Variants in OR7D4 observed in about 807,000 individuals in gnomAD.
The protein encoded by OR7D4 is olfactory receptor 7D4.
For missense variants in OR7D4, 319 were observed against 377.1 expected (o/e 0.85, Z 1.27); for synonymous variants, 154 against 158.4 (o/e 0.97, Z 0.21).
In OR7D4 at chr19:9,213,767, A is replaced by C. The variant is rs2051187597; in HGVS notation, c.*132T>G. 4.5e-6 allele frequency: 3 copies of C among 662,016 alleles called. No individual in the cohort carries two copies. The highest frequency in any genetic ancestry group is 7.8e-6 in the Non-Finnish European group (3 of 386,874). The allele number at this position is 662,016 out of a possible 1,614,324, so 41.0% of individuals were successfully genotyped here. On this transcript the variant is annotated 3_prime_UTR_variant, in exon 2 of 2. Coordinates refer to ENST00000641669, the MANE Select transcript of OR7D4 (RefSeq NM_001005191.3). ...ACAATAACAATAACAACAACAAACA[A>C]CCCAATAACAACAACCAAAAATCCC...
Position 9,214,383 on chromosome 19 carries a change from A to G in OR7D4, c.455T>C (p.Ile152Thr). ...GLLVLASWFI[I>T]FWFSLVHILL... ...AATATGAACCAGGGAGAACCAGAAA[A>G]TGATGAACCAAGATGCCAGAACCAG... is the stretch of plus-strand genomic sequence containing the variant. The change falls in exon 2 of 2, where the codon ATT becomes ACT. Residue 152 changes from isoleucine (I) to threonine (T), a missense_variant. Coordinates refer to ENST00000641669, the MANE Select transcript of OR7D4 (RefSeq NM_001005191.3). 1.2e-6 allele frequency: 2 copies of G among 1,614,154 alleles called. No homozygotes were observed. Among genetic ancestry groups the G allele is most frequent in the Non-Finnish European group, 1.7e-6 (2 of 1,180,020 alleles).
Position 9,211,512 on chromosome 19 carries a change from T to C in OR7D4, c.*2387A>G, listed in dbSNP as rs962724205. On this transcript the variant is annotated 3_prime_UTR_variant, in exon 2 of 2. Transcript: ENST00000641669. ...CAGGCAAGGAGTATAGAAAGTAAAA[T>C]AGAAAGTCCTCCTTAGAAACATAAA... The C allele has an allele frequency of 6.6e-6, 1 of 152,074 alleles. No homozygotes were observed. The highest frequency in any genetic ancestry group is 2.4e-5 in the African/African-American group (1 of 41,408). The allele number at this position is 152,074 out of a possible 1,614,324, so 9.4% of individuals were successfully genotyped here.
At chr19:9,219,057 G>C (rs1022644705) in intron 1 of OR7D4, 143 bp downstream of exon 1, 2 of 152,236 alleles carry the variant, frequency 1.3e-5, no homozygotes, top group African/African-American at 4.8e-5. Context: ...GCTAGTAAGT[G>C]CTGTAAATAA....
In OR7D4 at chr19:9,218,533, A is replaced by G. The variant is rs530320160; in HGVS notation, c.-14+667T>C. 3.3e-5 allele frequency among the ~76,000 whole-genome samples: 5 copies of G among 152,336 alleles called. No individual in the cohort carries two copies. The South Asian group carries it at 8.3e-4, about 25-fold the overall frequency. Reference sequence around the variant, plus strand: ...TTGTTTTAATACCACAGGCAACAAGATATGCTATGTTAAAACAGTAAGGGG... The same window carrying G: ...TTGTTTTAATACCACAGGCAACAAGGTATGCTATGTTAAAACAGTAAGGGG... On this transcript the variant is annotated intron_variant, in intron 1 of 1. Coordinates refer to ENST00000641669, the MANE Select transcript of OR7D4 (RefSeq NM_001005191.3).
Position 9,214,237 on chromosome 19 carries a change from C to T in OR7D4, c.601G>A (p.Val201Met), listed in dbSNP as rs1381211069. Residue 201 changes from valine to methionine, a missense_variant, in exon 2 of 2, where the codon GTG (valine) becomes ATG (methionine). Coordinates refer to ENST00000641669, the MANE Select transcript of OR7D4 (RefSeq NM_001005191.3). ...NTLLNNIVLY[V>M]ATALLGVFPV... Reference sequence around the variant, plus strand: ...AACACACCCAGCAGTGCCGTGGCCACATACAAGACAATGTTATTGAGGAGG... The same window carrying T: ...AACACACCCAGCAGTGCCGTGGCCATATACAAGACAATGTTATTGAGGAGG... The T allele has an allele frequency of 6.2e-7, 1 of 1,614,018 alleles. No homozygotes were observed.
chr19:9,215,935 A>T (rs2051207946), intron 1 of OR7D4, among the ~76,000 whole-genome samples: 1 of 152,124 alleles, frequency 6.6e-6, no homozygotes, highest in Admixed American at 6.6e-5. Flanking sequence ...TGTTTAATGG[A>T]CTTACAGTTC....
chr19:9,214,724 C>T lies in OR7D4; in HGVS notation c.114G>A (p.Thr38=), dbSNP rs560542103. ...GAATGATGAGCAGGTTCCCCAGCAC[C>T]GTGACCAGGTACATGGACAGGAACA... is the stretch of plus-strand genomic sequence containing the variant. ...FGLFLSMYLV[T]VLGNLLIILA... Residue 38 remains threonine, a synonymous_variant, in exon 2 of 2, where the codon ACG becomes ACA. Coordinates refer to ENST00000641669, the MANE Select transcript of OR7D4 (RefSeq NM_001005191.3). The T allele has an allele frequency of 3.8e-5, 61 of 1,613,978 alleles. No homozygotes were observed. Among genetic ancestry groups the T allele is most frequent in the African/African-American group, 1.9e-4 (14 of 75,004 alleles).
intron 1 of OR7D4, 135 bp from the exon 2 acceptor site, chr19:9,214,985 C>T: frequency 1.7e-6 from 1 of 595,710 alleles, no homozygotes; most frequent in Non-Finnish European, 3.0e-6. Context: ...ATGAATCTCT[C>T]AGGAAGTGGT....
At chr19:9,219,060 G>A (rs1265954237) in intron 1 of OR7D4, 140 bp downstream of exon 1, 2 of 152,152 alleles carry the variant, frequency 1.3e-5, no homozygotes, top group Non-Finnish European at 2.9e-5. Context: ...AGTAAGTGCT[G>A]TAAATAAGTC....
chr19:9,218,270 A>AGC (rs906512252), intron 1 of OR7D4, among the ~76,000 whole-genome samples: 8 of 119,466 alleles, frequency 6.7e-5, no homozygotes, highest in African/African-American at 3.8e-4. Context: ...TACAGTAAAT[A>AGC]ACATATTCAT....
Position 9,214,668 on chromosome 19 carries a change from G to T in OR7D4, c.170C>A (p.Thr57Asn), listed in dbSNP as rs149523827. The T allele has an allele frequency of 1.9e-6, 3 of 1,614,174 alleles. No homozygotes were observed. The highest frequency in any genetic ancestry group is 1.1e-5 in the South Asian group (1 of 91,082). The change falls in exon 2 of 2, where the codon ACC (threonine) becomes AAC (asparagine). Residue 57 changes from threonine (T) to asparagine (N), a missense_variant. Transcript: ENST00000641669. ...GTTGGAGAGGAAGAAGTACATGGGG[G>T]TGTGGAGGTGGGAGTCAGAGCTGAC... ...LAVSSDSHLH[T>N]PMYFFLSNLS...
rs2051168995 is a variant in OR7D4, at chr19:9,210,876, C to G, written c.*3023G>C. The G allele has an allele frequency of 6.6e-6, 1 of 152,222 alleles. No individual in the cohort carries two copies. Among genetic ancestry groups the G allele is most frequent in the African/African-American group, 2.4e-5 (1 of 41,444 alleles). The allele number at this position is 152,222 out of a possible 1,614,324, so 9.4% of individuals were successfully genotyped here. A position where few individuals can be genotyped will look rare whatever the true frequency, so the allele number is the denominator to read the frequency against. ...CTGAGAGCTTGTGGCGAAGGAGAAC[C>G]AGGGTGGCTTATTTTGTCTGAAGGT... is the stretch of plus-strand genomic sequence containing the variant. On this transcript the variant is annotated 3_prime_UTR_variant, in exon 2 of 2. Coordinates refer to ENST00000641669, the MANE Select transcript of OR7D4 (RefSeq NM_001005191.3).
chr19:9,213,903 G>A lies in OR7D4; in HGVS notation c.935C>T (p.Pro312Leu). ...ERLLSRADSC[P>L] is the part of the protein sequence containing the mutation. ...TAGTTCTGAGGCCCTGATTTGTCAT[G>A]GACAAGAGTCGGCCCTGCTGAGGAG... The change falls in exon 2 of 2, where the codon CCA (proline) becomes CTA (leucine). Residue 312 changes from proline to leucine, a missense_variant. Coordinates refer to ENST00000641669, the MANE Select transcript of OR7D4 (RefSeq NM_001005191.3). 2 of 1,612,120 alleles carry A rather than the reference G, an allele frequency of 1.2e-6. No individual in the cohort carries two copies. Among genetic ancestry groups the A allele is most frequent in the South Asian group, 1.1e-5 (1 of 90,976 alleles).
rs1228770924 is a variant in OR7D4, at chr19:9,212,480, A to G, written c.*1419T>C. The G allele has an allele frequency of 6.6e-6, 1 of 152,222 alleles. No individual in the cohort carries two copies. Among genetic ancestry groups the G allele is most frequent in the Admixed American group, 6.5e-5 (1 of 15,288 alleles). 9.4% of individuals were successfully genotyped at this position (152,222 alleles called of 1,614,324 possible). ...ATCTTTTGATACCATCAAAATGATA[A>G]TATCTTTATGATATAGAATACAATG... On this transcript the variant is annotated 3_prime_UTR_variant, in exon 2 of 2. Coordinates refer to ENST00000641669, the MANE Select transcript of OR7D4 (RefSeq NM_001005191.3).
chr19:9,213,427 TA>T lies in OR7D4; in HGVS notation c.*471del, dbSNP rs548109917. 89 of 145,086 alleles carry T rather than the reference TA, an allele frequency of 6.1e-4. No homozygotes were observed. The highest frequency in any genetic ancestry group is 7.6e-4 in the Admixed American group (11 of 14,388). The allele number at this position is 145,086 out of a possible 1,614,324, so 9.0% of individuals were successfully genotyped here. A position where few individuals can be genotyped will look rare whatever the true frequency, so the allele number is the denominator to read the frequency against. ...AAGCAAAATCATAGTTGTTTTTGAT[TA>T]AAAAAAAAAAGAAAAGAAAGAAACA... On this transcript the variant is annotated 3_prime_UTR_variant, in exon 2 of 2. Transcript: ENST00000641669.
In OR7D4 at chr19:9,213,755, C is replaced by A; in HGVS notation, c.*144G>T. The A allele has an allele frequency of 3.2e-6, 2 of 621,546 alleles. No homozygotes were observed. The highest frequency in any genetic ancestry group is 5.4e-6 in the Non-Finnish European group (2 of 370,354). The allele number at this position is 621,546 out of a possible 1,614,324, so 38.5% of individuals were successfully genotyped here. ...TCTGTCTCAAAAACAATAACAATAACAACAACAAACAACCCAATAACAACA... is the reference window on the plus strand; with the variant it reads ...TCTGTCTCAAAAACAATAACAATAAAAACAACAAACAACCCAATAACAACA... On this transcript the variant is annotated 3_prime_UTR_variant, in exon 2 of 2. Coordinates refer to ENST00000641669, the MANE Select transcript of OR7D4 (RefSeq NM_001005191.3).
In OR7D4 at chr19:9,214,247, A is replaced by G; in HGVS notation, c.591T>C (p.Ile197=). ...GCAGTGCCGTGGCCACATACAAGAC[A>G]ATGTTATTGAGGAGGGTGTTAGAGC... ...VACSNTLLNN[I]VLYVATALLG... The change falls in exon 2 of 2, where the codon ATT becomes ATC. Residue 197 remains isoleucine (I), a synonymous_variant. Transcript: ENST00000641669. 1.2e-6 allele frequency: 2 copies of G among 1,614,076 alleles called. No individual in the cohort carries two copies. The highest frequency in any genetic ancestry group is 2.7e-5 in the African/African-American group (2 of 75,016).
chr19:9,215,457 T>C (rs1010230743), intron 1 of OR7D4, among the ~76,000 whole-genome samples: 2 of 151,840 alleles, frequency 1.3e-5, no homozygotes, highest in Non-Finnish European at 2.9e-5. Flanking sequence ...TCTTCCAAAA[T>C]AATTAAAGGT....
chr19:9,211,413 A>G lies in OR7D4; in HGVS notation c.*2486T>C, dbSNP rs2146001179. The G allele has an allele frequency of 6.6e-6, 1 of 152,378 alleles. No individual in the cohort carries two copies. Among genetic ancestry groups the G allele is most frequent in the South Asian group, 2.1e-4 (1 of 4,834 alleles). 9.4% of individuals were successfully genotyped at this position (152,378 alleles called of 1,614,324 possible). ...GTTTCTAACATGCCAACATAGATCA[A>G]TCAGACAGAAAGAATTAGGGTCTTA... On this transcript the variant is annotated 3_prime_UTR_variant, in exon 2 of 2. Transcript: ENST00000641669.
Sources: allele counts gnomAD v4.1 joint callset (sites outside exome capture counted in the v4.1 genomes callset), GRCh38; gene constraint gnomAD v4.1.1; transcripts MANE v1.5; gene names NCBI Gene and HGNC (gene_info 2026-07-23, HGNC 2026-07-21).